Variants in GPC5 observed in about 807,000 individuals in gnomAD.
The protein encoded by GPC5 is glypican-5.
GPC5 carries 47 observed loss-of-function variants against 53.9 expected under a neutral mutation model. The ratio of observed to expected loss-of-function variants is 0.87; its 90% CI spans 0.69 to 1.11. The LOEUF is 1.11. Ranked by LOEUF, GPC5 falls within the 50% of genes most tolerant of loss-of-function variation. The pLI is 0.00. For missense variants in GPC5, 748 were observed against 713.1 expected, an observed-to-expected ratio of 1.05 and a Z score of -0.56; for synonymous variants, 286 against 263.3, an observed-to-expected ratio of 1.09 and a Z score of -0.84.
At chr13:92,622,913 T>C (rs1384863396) in intron 7 of GPC5, among the ~76,000 whole-genome samples, 4 of 152,016 alleles carry the variant, frequency 2.6e-5, no homozygotes, top group Non-Finnish European at 4.4e-5. Context: ...TCAGCGAGAA[T>C]GTGGCAAAAA....
chr13:91,426,836 AC>A (rs1011202613), intron 1 of GPC5, among the ~76,000 whole-genome samples: 99 of 152,258 alleles, frequency 6.5e-4, no homozygotes, highest in African/African-American at 2.3e-3. Context: ...CTTTGGCAGT[AC>A]CCACACAGAC....
intron 2 of GPC5, among the ~76,000 whole-genome samples, chr13:91,632,116 C>T (rs942907929): frequency 3.9e-5 from 6 of 152,154 alleles, no homozygotes; most frequent in African/African-American, 1.4e-4. Context: ...CCTTTTAAAA[C>T]TGAAGCTTGA....
At chr13:92,182,508 G>C (rs972689850) in intron 7 of GPC5, among the ~76,000 whole-genome samples, 1 of 152,132 alleles carries the variant, frequency 6.6e-6, no homozygotes, top group Non-Finnish European at 1.5e-5. Context: ...AATTTAAGTA[G>C]ATACAAAATG....
chr13:91,446,067 G>A (rs1291272421), intron 1 of GPC5, among the ~76,000 whole-genome samples: 1 of 152,102 alleles, frequency 6.6e-6, no homozygotes, highest in Admixed American at 6.6e-5. Flanking sequence ...GTATTTTAAA[G>A]TTTGTGGGGA....
At chr13:92,731,873 G>T (rs1166713035) in intron 7 of GPC5, among the ~76,000 whole-genome samples, 1 of 151,444 alleles carries the variant, frequency 6.6e-6, no homozygotes, top group African/African-American at 2.4e-5. Context: ...TTCATATCAA[G>T]CAAGTTTCTT....
At chr13:92,116,997 C>T (rs1205783637) in intron 6 of GPC5, among the ~76,000 whole-genome samples, 1 of 152,036 alleles carries the variant, frequency 6.6e-6, no homozygotes, top group Non-Finnish European at 1.5e-5. Flanking sequence ...GTTGTCTATT[C>T]TCTAAACAGC....
intron 7 of GPC5, among the ~76,000 whole-genome samples, chr13:92,572,124 TTTTA>T (rs559306391): frequency 1.7e-3 from 265 of 152,324 alleles, no homozygotes; most frequent in African/African-American, 5.9e-3. Flanking sequence ...ATTGATAAAC[TTTTA>T]TTTTTCTGAT....
intron 2 of GPC5, among the ~76,000 whole-genome samples, chr13:91,500,939 C>T (rs914122802): frequency 1.3e-5 from 2 of 152,064 alleles, no homozygotes; most frequent in Non-Finnish European, 1.5e-5. Flanking sequence ...ACCCCTTTCG[C>T]TTGGTTCTCA....
intron 6 of GPC5, among the ~76,000 whole-genome samples, chr13:91,972,368 G>A (rs917946978): frequency 6.5e-4 from 99 of 152,146 alleles, no homozygotes; most frequent in Non-Finnish European, 1.4e-3. Flanking sequence ...GTCTCTGCAC[G>A]TGAGATGGGT....
intron 7 of GPC5, among the ~76,000 whole-genome samples, chr13:92,718,485 G>A (rs1195924425): frequency 6.6e-6 from 1 of 152,032 alleles, no homozygotes; most frequent in African/African-American, 2.4e-5. Context: ...CCATTTGTGA[G>A]AGCAAAAAAA....
Position 92,818,407 on chromosome 13 carries a change from C to G in GPC5, c.1562-47875C>G, listed in dbSNP as rs1027740850. Among the ~76,000 whole-genome samples the G allele has an allele frequency of 4.0e-5, 6 of 151,766 alleles. 1 individual carries two copies. Among genetic ancestry groups the G allele is most frequent in the African/African-American group, 1.5e-4 (6 of 41,182 alleles). ...AATAATTCTTTATTAAAACTAAAAG[C>G]CTTTAATCTAAGTAAAAAGAGGATA... On this transcript the variant is annotated intron_variant, in intron 7 of 7. Coordinates refer to ENST00000377067, the MANE Select transcript of GPC5 (RefSeq NM_004466.6).
chr13:92,544,237 G>A (rs548714940), intron 7 of GPC5, among the ~76,000 whole-genome samples: 1 of 152,132 alleles, frequency 6.6e-6, no homozygotes, highest in South Asian at 2.1e-4. Context: ...CAGAAAACAA[G>A]CATTTGAAAG....
intron 1 of GPC5, among the ~76,000 whole-genome samples, chr13:91,444,152 A>G (rs1880626139): frequency 6.6e-6 from 1 of 151,976 alleles, no homozygotes; most frequent in South Asian, 2.1e-4. Context: ...TTAAGGCATT[A>G]CGTTTGTGTG....
intron 6 of GPC5, among the ~76,000 whole-genome samples, chr13:91,980,635 A>C (rs563839468): frequency 3.7e-4 from 57 of 152,328 alleles, no homozygotes; most frequent in Middle Eastern, 3.4e-3. Flanking sequence ...TTTAAGAATC[A>C]AGTTTTTAAC....
chr13:91,854,764 T>C, intron 5 of GPC5, among the ~76,000 whole-genome samples: 1 of 151,842 alleles, frequency 6.6e-6, no homozygotes, highest in African/African-American at 2.4e-5. Flanking sequence ...CTTATTTTTA[T>C]AAAACATTTT....
chr13:92,666,462 G>GT (rs910946174), intron 7 of GPC5, among the ~76,000 whole-genome samples: 2 of 151,934 alleles, frequency 1.3e-5, no homozygotes, highest in African/African-American at 4.8e-5. Context: ...AACAAACCAT[G>GT]TTTTTTGTTC....
chr13:92,205,124 C>T (rs1377217518), intron 7 of GPC5, among the ~76,000 whole-genome samples: 1 of 152,114 alleles, frequency 6.6e-6, no homozygotes. Context: ...GTGATCCGCC[C>T]ACCTCGGCCT....
intron 7 of GPC5, among the ~76,000 whole-genome samples, chr13:92,553,698 T>G (rs1882397849): frequency 6.6e-6 from 1 of 151,946 alleles, no homozygotes; most frequent in Admixed American, 6.6e-5. Flanking sequence ...AAAAGTGCTC[T>G]TTATCAGTTG....
At chr13:92,386,814 A>T (rs1874749613) in intron 7 of GPC5, among the ~76,000 whole-genome samples, 1 of 152,078 alleles carries the variant, frequency 6.6e-6, no homozygotes, top group Non-Finnish European at 1.5e-5. Flanking sequence ...TAATCCGGTT[A>T]AAAACTTACT....
Sources: gnomAD v4.1 joint callset for allele counts (sites outside exome capture counted in the v4.1 genomes callset) on GRCh38, gnomAD v4.1.1 for gene constraint, MANE v1.5 for transcripts, NCBI Gene and HGNC (gene_info 2026-07-23, HGNC 2026-07-21) for gene names.